The following HEATR3 variants were observed in gnomAD, a reference collection of about 807,000 sequenced individuals.
HEATR3 encodes the protein HEAT repeat containing 3, also known as HEAT repeat-containing protein 3.
A neutral mutation model predicts 72.8 loss-of-function variants in HEATR3; 56 were observed. That is an observed-to-expected ratio of 0.77 (90% confidence interval 0.62 to 0.96). HEATR3 has a LOEUF of 0.96. Ranked by LOEUF, HEATR3 falls within the 40% of genes least tolerant of loss-of-function variation. The pLI is 0.00. For missense variants in HEATR3, 747 were observed against 831.4 expected, an observed-to-expected ratio of 0.90 and a Z score of 1.25; for synonymous variants, 331 against 318.1, an observed-to-expected ratio of 1.04 and a Z score of -0.43.
rs1350703263 is a variant in HEATR3 at position 50,070,319 on chromosome 16, GC to G, written c.512+30del. 2.7e-6 allele frequency: 3 copies of G among 1,129,774 alleles called. No individual in the cohort carries two copies. The African/African-American group carries it at 4.6e-5, about 17-fold the overall frequency. The allele number at this position is 1,129,774 out of a possible 1,614,324, so 70.0% of individuals were successfully genotyped here. A position where few individuals can be genotyped will look rare whatever the true frequency, so the allele number is the denominator to read the frequency against. ...AGATGCCTACCAAACACAGTCTCCTGCTATAGCAGTACCCAGGCTGCTATTC... is the reference window on the plus strand; with the variant it reads ...AGATGCCTACCAAACACAGTCTCCTGTATAGCAGTACCCAGGCTGCTATTC... On this transcript the variant is annotated intron_variant, in intron 4 of 14. Transcript: ENST00000299192.
chr16:50,093,400 C>G (rs574877618), intron 11 of HEATR3, among the ~76,000 whole-genome samples: 8 of 152,302 alleles, frequency 5.3e-5, no homozygotes, highest in Admixed American at 3.9e-4. Context: ...TCCACAATGT[C>G]TAGGCCAGTG....
intron 5 of HEATR3, chr16:50,074,877 G>C (rs1281873309): frequency 1.3e-5 from 2 of 151,932 alleles, no homozygotes; most frequent in African/African-American, 4.8e-5. Context: ...AGCTACTCGG[G>C]AGCCTGAGGC....
rs1294087302 is a variant in HEATR3, at chr16:50,086,251, CCA to C, written c.1411_1412del (p.Gln471GlufsTer36). Reference sequence around the variant, plus strand: ...TTCAGTGCAGAGCCCTCTTCTGTCTCCAGAGTCTTGTGTCCCTCCTGGATGTG... The same window carrying C: ...TTCAGTGCAGAGCCCTCTTCTGTCTCGAGTCTTGTGTCCCTCCTGGATGTG... ...TIQCRALFCL[Q>X]SLVSLLDVEH... On this transcript the variant is annotated frameshift_variant, in exon 11 of 15. Transcript: ENST00000299192. LOFTEE classifies it high-confidence loss of function. The C allele has an allele frequency of 1.9e-6, 3 of 1,580,986 alleles. No individual in the cohort carries two copies. Among genetic ancestry groups the C allele is most frequent in the Non-Finnish European group, 2.6e-6 (3 of 1,162,040 alleles).
intron 11 of HEATR3, among the ~76,000 whole-genome samples, 192 bp downstream of exon 11, chr16:50,086,543 T>C (rs916801716): frequency 6.6e-6 from 1 of 152,222 alleles, no homozygotes; most frequent in Non-Finnish European, 1.5e-5. Flanking sequence ...CCTGGGCTTA[T>C]AATTTTCTTT....
intron 11 of HEATR3, among the ~76,000 whole-genome samples, chr16:50,090,982 TA>T (rs930119270): frequency 6.6e-6 from 1 of 151,588 alleles, no homozygotes; most frequent in Admixed American, 6.6e-5. Flanking sequence ...CCGTCTCCAC[TA>T]AAAATACGAA....
chr16:50,083,368 C>T (rs1394774950), intron 7 of HEATR3, among the ~76,000 whole-genome samples: 1 of 152,002 alleles, frequency 6.6e-6, no homozygotes, highest in African/African-American at 2.4e-5. Flanking sequence ...AAAAAAGCTT[C>T]CTTCTTTCTT....
At chr16:50,067,916 G>A (rs138058789) in intron 2 of HEATR3, among the ~76,000 whole-genome samples, 1 of 152,332 alleles carries the variant, frequency 6.6e-6, no homozygotes, top group Non-Finnish European at 1.5e-5. Flanking sequence ...AGTTACATAA[G>A]TGTATGATTA....
At chr16:50,092,460 C>T (rs1195642020) in intron 11 of HEATR3, among the ~76,000 whole-genome samples, 2 of 26,766 alleles carry the variant, frequency 7.5e-5, no homozygotes, top group Non-Finnish European at 9.9e-5. Context: ...TTTCCTGAGA[C>T]GAGTCTGGCT....
At chr16:50,074,868 GC>G (rs1006295124) in intron 5 of HEATR3, 11 of 152,170 alleles carry the variant, frequency 7.2e-5, no homozygotes, top group Admixed American at 4.6e-4. Flanking sequence ...TGTAGTCCCA[GC>G]TACTCGGGAG....
chr16:50,097,786 G>C (rs949353865), intron 12 of HEATR3, among the ~76,000 whole-genome samples: 2 of 151,944 alleles, frequency 1.3e-5, no homozygotes, highest in Non-Finnish European at 2.9e-5. Flanking sequence ...GTGGTGGCAC[G>C]CGCCTGTAAT....
At chr16:50,104,753 T>A (rs2037444105) in intron 14 of HEATR3, among the ~76,000 whole-genome samples, 186 bp from the exon 15 acceptor site, 1 of 152,234 alleles carries the variant, frequency 6.6e-6, no homozygotes, top group Admixed American at 6.5e-5. Context: ...TTTTTAATAA[T>A]GCACATTCTC....
At chr16:50,104,079 G>T (rs1028325586) in intron 14 of HEATR3, among the ~76,000 whole-genome samples, 9 of 151,974 alleles carry the variant, frequency 5.9e-5, no homozygotes, top group African/African-American at 2.2e-4. Flanking sequence ...GCTGGGCATG[G>T]TGGCTCACAC....
intron 12 of HEATR3, among the ~76,000 whole-genome samples, chr16:50,096,161 C>A (rs1204991469): frequency 2.0e-5 from 3 of 151,564 alleles, no homozygotes; most frequent in Non-Finnish European, 4.4e-5. Flanking sequence ...CCCGTCTCTA[C>A]TAAAAATACA....
intron 3 of HEATR3, among the ~76,000 whole-genome samples, chr16:50,069,664 C>A (rs2036568825): frequency 6.6e-6 from 1 of 152,140 alleles, no homozygotes; most frequent in African/African-American, 2.4e-5. Context: ...TTCAGTAGTA[C>A]CTGGATTGAG....
At position 50,075,562 on chromosome 16, in the gene HEATR3, G is replaced by T. The variant is rs764978858; in HGVS notation, c.623-9G>T. 2.1e-5 allele frequency: 34 copies of T among 1,603,382 alleles called. No individual in the cohort carries two copies. In the Admixed American group the frequency reaches 2.4e-4, roughly 11 times the overall value. ...ATTTGTTTCTAAATACTTATTTTTT[G>T]CCTCGTAGCATATTGTTTGCAGACA... is the stretch of plus-strand genomic sequence containing the variant. On this transcript the variant is annotated splice_polypyrimidine_tract_variant and intron_variant, in intron 5 of 14. Transcript: ENST00000299192.
At chr16:50,083,131 C>T (rs1181952500) in intron 7 of HEATR3, among the ~76,000 whole-genome samples, 1 of 150,672 alleles carries the variant, frequency 6.6e-6, no homozygotes, top group Admixed American at 6.6e-5. Flanking sequence ...GAGACTCTGT[C>T]TCTAAGGGGG....
At chr16:50,091,892 AT>A (rs67085503) in intron 11 of HEATR3, among the ~76,000 whole-genome samples, 4,228 of 150,360 alleles carry the variant, frequency 0.028, 204 homozygotes, top group African/African-American at 0.1. Flanking sequence ...AAAAAAAAAA[AT>A]ATCGTTCAAA....
chr16:50,102,368 A>C lies in HEATR3; in HGVS notation c.1853A>C (p.Glu618Ala). The change falls in exon 14 of 15, where the codon GAA becomes GCA. Residue 618 changes from glutamate (E) to alanine (A), a missense_variant. Physicochemically the swap from Glu to Ala is moderately radical, Grantham distance 107. Around this residue, in one of 2 missense-constraint regions of HEATR3, gnomAD observed 586 missense variants for 708.8 expected, o/e 0.83. Coordinates refer to ENST00000299192, the MANE Select transcript of HEATR3 (RefSeq NM_182922.4). ...GTTTTTGCAGATGGTAAAGAAGCCGAAAGAGCCTCGATTCAAATTAAATTA... is the reference window on the plus strand; with the variant it reads ...GTTTTTGCAGATGGTAAAGAAGCCGCAAGAGCCTCGATTCAAATTAAATTA... ...FDVFADGKEA[E>A]RASIQIKLLS... 5.0e-6 allele frequency: 8 copies of C among 1,614,164 alleles called. No homozygotes were observed. Among genetic ancestry groups the C allele is most frequent in the Non-Finnish European group, 6.8e-6 (8 of 1,180,020 alleles).
chr16:50,077,960 T>A (rs753969313), intron 6 of HEATR3, among the ~76,000 whole-genome samples: 31 of 139,244 alleles, frequency 2.2e-4, no homozygotes, highest in Non-Finnish European at 2.7e-4. Flanking sequence ...CACTGCAACC[T>A]CTGCCTCCTG....
Sources: gnomAD v4.1 joint callset for allele counts (sites outside exome capture counted in the v4.1 genomes callset) on GRCh38, gnomAD v4.1.1 for gene constraint, gnomAD v4.1.1 regional missense constraint, MANE v1.5 for transcripts, NCBI Gene and HGNC (gene_info 2026-07-23, HGNC 2026-07-21) for gene names.